PTPRD: variants seen among roughly 807,000 people sequenced by gnomAD.
PTPRD encodes the protein protein tyrosine phosphatase receptor type D.
Under a neutral mutation model 214.5 loss-of-function variants are expected in PTPRD, and 34 were observed. That is an observed-to-expected ratio of 0.16 (90% CI 0.12 to 0.21). PTPRD has a LOEUF of 0.21. Among genes scored for constraint, PTPRD ranks in the 10% least tolerant of loss-of-function variants. PTPRD has a pLI of 1.00. For synonymous variants in PTPRD, 1,128 were observed against 845.7 expected, an observed-to-expected ratio of 1.33 and a Z score of -5.79; for missense variants, 2,545 against 2,398.7, an observed-to-expected ratio of 1.06 and a Z score of -1.27.
chr9:9,522,401 T>A (rs906338979), intron 8 of PTPRD, among the ~76,000 whole-genome samples: 3 of 152,110 alleles, frequency 2.0e-5, no homozygotes, highest in Non-Finnish European at 4.4e-5. Flanking sequence ...TATCTGGACA[T>A]AATGAAAACA....
At chr9:9,603,303 A>T (rs555362835) in intron 7 of PTPRD, among the ~76,000 whole-genome samples, 56 of 152,332 alleles carry the variant, frequency 3.7e-4, no homozygotes, top group Non-Finnish European at 6.5e-4. Context: ...AGTCAGACAC[A>T]TGGTCAAAAA....
chr9:8,728,242 C>T (rs1315249572), intron 12 of PTPRD, among the ~76,000 whole-genome samples: 1 of 152,132 alleles, frequency 6.6e-6, no homozygotes, highest in Admixed American at 6.5e-5. Flanking sequence ...AAGAGCAAAA[C>T]TCCATCTCGA....
intron 11 of PTPRD, among the ~76,000 whole-genome samples, chr9:8,980,905 G>T (rs545486529): frequency 2.0e-5 from 3 of 151,954 alleles, no homozygotes; most frequent in Non-Finnish European, 4.4e-5. Flanking sequence ...ATTTTTTCAG[G>T]CCAAAATTCC....
chr9:10,069,821 T>TCA (rs2097961981), intron 3 of PTPRD, among the ~76,000 whole-genome samples: 1 of 152,076 alleles, frequency 6.6e-6, no homozygotes. Context: ...GTTGACATGT[T>TCA]TCTGTATCTT....
At chr9:10,072,433 T>C (rs1197516872) in intron 3 of PTPRD, among the ~76,000 whole-genome samples, 1 of 152,094 alleles carries the variant, frequency 6.6e-6, no homozygotes, top group Non-Finnish European at 1.5e-5. Flanking sequence ...GTGAGCGTTA[T>C]AGCTCTTCAA....
chr9:9,402,585 A>T (rs1446150111), intron 8 of PTPRD, among the ~76,000 whole-genome samples: 1 of 152,130 alleles, frequency 6.6e-6, no homozygotes, highest in Non-Finnish European at 1.5e-5. Context: ...ACACATGAGG[A>T]AATCTTGAGT....
intron 3 of PTPRD, among the ~76,000 whole-genome samples, chr9:10,091,888 C>T (rs947425264): frequency 1.3e-5 from 2 of 151,252 alleles, no homozygotes; most frequent in Non-Finnish European, 3.0e-5. Context: ...TTTTCTCTCC[C>T]GGAAATTATT....
At chr9:8,645,000 A>G (rs1554991126) in intron 12 of PTPRD, among the ~76,000 whole-genome samples, 1 of 152,248 alleles carries the variant, frequency 6.6e-6, no homozygotes, top group Non-Finnish European at 1.5e-5. Flanking sequence ...ATCTTGTAAC[A>G]CTAATATTTT....
At chr9:8,420,045 G>A (rs540308600) in intron 35 of PTPRD, among the ~76,000 whole-genome samples, 1 of 152,010 alleles carries the variant, frequency 6.6e-6, no homozygotes, top group Non-Finnish European at 1.5e-5. Context: ...CCCCTCACAT[G>A]GTACATGTAA....
At chr9:8,757,388 G>T (rs991755973) in intron 11 of PTPRD, among the ~76,000 whole-genome samples, 1 of 151,984 alleles carries the variant, frequency 6.6e-6, no homozygotes, top group South Asian at 2.1e-4. Context: ...ATCAGCATAA[G>T]ATTTAGATGT....
At chr9:9,601,906 TA>T (rs1261503630) in intron 7 of PTPRD, among the ~76,000 whole-genome samples, 1 of 152,084 alleles carries the variant, frequency 6.6e-6, no homozygotes, top group Non-Finnish European at 1.5e-5. Flanking sequence ...ATGTAGAGAA[TA>T]AATCATTATA....
chr9:9,865,021 C>T (rs2063631274), intron 5 of PTPRD, among the ~76,000 whole-genome samples: 1 of 151,182 alleles, frequency 6.6e-6, no homozygotes, highest in African/African-American at 2.4e-5. Context: ...AACAAAAATA[C>T]CTCTATATTC....
intron 8 of PTPRD, among the ~76,000 whole-genome samples, chr9:9,449,214 A>G (rs1163696063): frequency 1.3e-5 from 2 of 152,048 alleles, no homozygotes; most frequent in African/African-American, 4.8e-5. Context: ...CAGGGAGAAA[A>G]ATAACTTACC....
chr9:9,978,811 A>T (rs2154061776), intron 4 of PTPRD, among the ~76,000 whole-genome samples: 1 of 152,222 alleles, frequency 6.6e-6, no homozygotes, highest in East Asian at 1.9e-4. Context: ...GAGTACAGGT[A>T]CACACTGAGA....
At chr9:10,255,652 T>A (rs548948098) in intron 3 of PTPRD, among the ~76,000 whole-genome samples, 1 of 152,298 alleles carries the variant, frequency 6.6e-6, no homozygotes, top group East Asian at 1.9e-4. Flanking sequence ...TAAACTTAGC[T>A]TACTATAACT....
chr9:9,005,524 A>G (rs1014539484), intron 11 of PTPRD, among the ~76,000 whole-genome samples: 2 of 151,962 alleles, frequency 1.3e-5, no homozygotes, highest in Non-Finnish European at 2.9e-5. Flanking sequence ...GAACCACCCA[A>G]CTTTCACAGA....
In PTPRD at chr9:10,598,190, T is replaced by C. The variant is rs190587039; in HGVS notation, c.-600+14208A>G. 2.6e-5 allele frequency among the ~76,000 whole-genome samples: 4 copies of C among 151,808 alleles called. No individual in the cohort carries two copies. The East Asian group carries it at 7.8e-4, about 30-fold the overall frequency. ...CTGTAGAGTATCAGTGTTGTTTTTG[T>C]TATTATTTGATTTTCCTTAGATATT... On this transcript the variant is annotated intron_variant, in intron 2 of 45. Transcript: ENST00000381196.
At chr9:8,640,900 A>T (rs562469192) in intron 12 of PTPRD, among the ~76,000 whole-genome samples, 7 of 133,328 alleles carry the variant, frequency 5.3e-5, no homozygotes, top group Non-Finnish European at 1.0e-4. Context: ...ATATATAATC[A>T]TTTTTGCTGG....
intron 3 of PTPRD, among the ~76,000 whole-genome samples, chr9:10,037,873 C>T (rs1176348445): frequency 1.3e-5 from 2 of 152,078 alleles, no homozygotes; most frequent in Non-Finnish European, 2.9e-5. Flanking sequence ...CTCTTATAGG[C>T]TTTGCATCCT....
Sources: allele counts gnomAD v4.1 joint callset (sites outside exome capture counted in the v4.1 genomes callset), GRCh38; gene constraint gnomAD v4.1.1; transcripts MANE v1.5; gene names NCBI Gene and HGNC (gene_info 2026-07-23, HGNC 2026-07-21).